Variants in CHD1L observed in about 807,000 individuals in gnomAD.
The protein encoded by CHD1L is ATP-dependent chromatin remodeler CHD1L.
A neutral mutation model predicts 115.9 loss-of-function variants in CHD1L; 118 were observed. The ratio of observed to expected loss-of-function variants is 1.02; its 90% CI spans 0.88 to 1.19. The LOEUF (loss-of-function observed/expected upper bound fraction) is 1.19. Among genes scored for constraint, CHD1L ranks in the 50% most tolerant of loss-of-function variants. The pLI is 0.00. For synonymous variants in CHD1L, 411 were observed against 387.1 expected, an observed-to-expected ratio of 1.06 and a Z score of -0.72; for missense variants, 1,179 against 1,065.3, an observed-to-expected ratio of 1.11 and a Z score of -1.49.
intron 13 of CHD1L, among the ~76,000 whole-genome samples, chr1:147,275,803 T>A (rs955030923): frequency 4.5e-4 from 59 of 129,738 alleles, no homozygotes; most frequent in Admixed American, 7.8e-4. Flanking sequence ...AAAAGAAAGA[T>A]AGATGTTGCC....
At chr1:147,199,549 A>G in the CHD1L span, among the ~76,000 whole-genome samples, 1 of 152,144 alleles carries the variant, frequency 6.6e-6, no homozygotes. Flanking sequence ...CATTTTCTCT[A>G]TTTCCTCTCA....
intron 20 of CHD1L, among the ~76,000 whole-genome samples, chr1:147,293,180 C>T (rs1686229439): frequency 6.6e-6 from 1 of 152,090 alleles, no homozygotes; most frequent in Non-Finnish European, 1.5e-5. Flanking sequence ...ATTTTGTCCT[C>T]ATGGGAATTG....
chr1:147,252,823 CA>C lies in CHD1L; in HGVS notation c.240+91del, dbSNP rs1668853402. ...GGAGCTGAGAGCTCTGGAGCTAAAACAAAGCTCAGTTTCACAAATGTCCCTG... is the reference window on the plus strand; with the variant it reads ...GGAGCTGAGAGCTCTGGAGCTAAAACAAGCTCAGTTTCACAAATGTCCCTG... On this transcript the variant is annotated intron_variant, in intron 2 of 22. Transcript: ENST00000369258. 3.6e-6 allele frequency: 4 copies of C among 1,113,036 alleles called. No individual in the cohort carries two copies. The East Asian group carries it at 9.6e-5, about 27-fold the overall frequency. The allele number at this position is 1,113,036 out of a possible 1,614,324, so 68.9% of individuals were successfully genotyped here. A position where few individuals can be genotyped will look rare whatever the true frequency, so the allele number is the denominator to read the frequency against.
chr1:147,252,776 A>G, intron 2 of CHD1L, 41 bp downstream of exon 2: 1 of 1,434,612 alleles, frequency 7.0e-7, no homozygotes, highest in Non-Finnish European at 9.8e-7. Context: ...CGCCACTGCG[A>G]TACTTCCTTA....
At position 147,284,450 on chromosome 1, in the gene CHD1L, T is replaced by A; in HGVS notation, c.1805T>A (p.Leu602His). ...FEQLVNLQKTLLEKASQEGRS... is the reference protein window; with the variant it reads ...FEQLVNLQKTHLEKASQEGRS... ...CAACTGGTAAACCTTCAGAAAACCCTTTTGGAGAAAGCTAGTCAAGAGGGC... is the reference window on the plus strand; with the variant it reads ...CAACTGGTAAACCTTCAGAAAACCCATTTGGAGAAAGCTAGTCAAGAGGGC... Residue 602 changes from leucine to histidine, a missense_variant, in exon 16 of 23, where the codon CTT (leucine) becomes CAT (histidine). Transcript: ENST00000369258. 2 of 1,612,304 alleles carry A rather than the reference T, an allele frequency of 1.2e-6. No homozygotes were observed.
chr1:147,205,140 C>T, the CHD1L span, among the ~76,000 whole-genome samples: 479 of 152,214 alleles, frequency 3.1e-3, no homozygotes, highest in Non-Finnish European at 5.1e-3. Context: ...AATGCTATAC[C>T]CTTGCTCTAT....
chr1:147,220,908 C>T, the CHD1L span, among the ~76,000 whole-genome samples: 2 of 142,988 alleles, frequency 1.4e-5, no homozygotes, highest in Admixed American at 7.2e-5. Flanking sequence ...ATGCTAATTT[C>T]TTACTTATAA....
In CHD1L at chr1:147,268,785, T is replaced by G. The variant is rs782349484; in HGVS notation, c.992T>G (p.Val331Gly). Reference sequence around the variant, plus strand: ...GAGTGGGTTCTTTCTTTTCTAGGTGTGGAGCCGGAGCCTTTTGAAGTTGGA... The same window carrying G: ...GAGTGGGTTCTTTCTTTTCTAGGTGGGGAGCCGGAGCCTTTTGAAGTTGGA... ...CVDHPYLFDG[V>G]EPEPFEVGDH... The change falls in exon 10 of 23, where the codon GTG becomes GGG. Residue 331 changes from valine to glycine, a missense_variant. Physicochemically the swap from Val to Gly is moderately radical, Grantham distance 109. Coordinates refer to ENST00000369258, the MANE Select transcript of CHD1L (RefSeq NM_004284.6). The G allele has an allele frequency of 6.2e-7, 1 of 1,613,102 alleles. No individual in the cohort carries two copies. The highest frequency in any genetic ancestry group is 8.5e-7 in the Non-Finnish European group (1 of 1,179,350).
intron 10 of CHD1L, among the ~76,000 whole-genome samples, chr1:147,269,326 T>C (rs12025594): frequency 0.7 from 105,883 of 151,902 alleles, 37,111 homozygotes; most frequent in African/African-American, 0.77. Flanking sequence ...GATTTAAACT[T>C]AAGGGGAACT....
At chr1:147,272,974 T>C (rs1339461885) in intron 12 of CHD1L, among the ~76,000 whole-genome samples, 6 of 146,340 alleles carry the variant, frequency 4.1e-5, no homozygotes, top group African/African-American at 1.5e-4. Flanking sequence ...CTGAGGTGGG[T>C]GGATCACTGG....
Position 147,264,403 on chromosome 1 carries a change from A to G in CHD1L, c.577-19A>G, listed in dbSNP as rs782558289. On this transcript the variant is annotated intron_variant, in intron 6 of 22. Coordinates refer to ENST00000369258, the MANE Select transcript of CHD1L (RefSeq NM_004284.6). Reference sequence around the variant, plus strand: ...TCCAGTGTTATGGAATTTTTATTTTATTTATTTATGTATTTGAGTTCTCAG... The same window carrying G: ...TCCAGTGTTATGGAATTTTTATTTTGTTTATTTATGTATTTGAGTTCTCAG... The G allele has an allele frequency of 1.3e-6, 2 of 1,545,104 alleles. No individual in the cohort carries two copies.
chr1:147,189,781 AC>A, the CHD1L span, among the ~76,000 whole-genome samples: 1 of 152,122 alleles, frequency 6.6e-6, no homozygotes, highest in South Asian at 2.1e-4. Context: ...TTGTAAATCT[AC>A]CTACAGATTT....
chr1:147,254,808 C>T (rs1045052329), intron 2 of CHD1L, 62 bp from the exon 3 acceptor site: 6 of 1,225,826 alleles, frequency 4.9e-6, no homozygotes, highest in African/African-American at 3.0e-5. Context: ...GTTGTGGGAA[C>T]TTCATGGTTG....
chr1:147,217,180 C>T, the CHD1L span, among the ~76,000 whole-genome samples: 5 of 151,510 alleles, frequency 3.3e-5, no homozygotes, highest in African/African-American at 4.9e-5. Context: ...GCGGAGGTTG[C>T]GGTGACAGAG....
the CHD1L span, among the ~76,000 whole-genome samples, chr1:147,192,057 G>A: frequency 6.6e-6 from 1 of 152,218 alleles, no homozygotes; most frequent in Non-Finnish European, 1.5e-5. Context: ...GAAAGTCATT[G>A]GTCACTTGAT....
chr1:147,240,293 T>G (rs587624156), upstream of CHD1L, among the ~76,000 whole-genome samples: 21 of 152,360 alleles, frequency 1.4e-4, no homozygotes, highest in African/African-American at 4.6e-4. Flanking sequence ...GATTCAGGGC[T>G]GTGCAGGATG....
the CHD1L span, chr1:147,203,790 C>T: frequency 7.8e-6 from 12 of 1,545,594 alleles, no homozygotes; most frequent in Non-Finnish European, 1.1e-5. Context: ...ATCAGATTGT[C>T]TGTAGAGCCC....
At chr1:147,220,598 C>T in the CHD1L span, among the ~76,000 whole-genome samples, 2 of 152,146 alleles carry the variant, frequency 1.3e-5, no homozygotes, top group Non-Finnish European at 2.9e-5. Flanking sequence ...CTGACAAACG[C>T]TATTTCAAGC....
the CHD1L span, among the ~76,000 whole-genome samples, chr1:147,198,380 A>C: frequency 1.2e-4 from 18 of 152,194 alleles, 1 homozygote; most frequent in African/African-American, 3.4e-4. Context: ...AAGGGAGGGA[A>C]GAAATATGCA....
Sources: allele counts gnomAD v4.1 joint callset (sites outside exome capture counted in the v4.1 genomes callset), GRCh38; gene constraint gnomAD v4.1.1; transcripts MANE v1.5; gene names NCBI Gene and HGNC (gene_info 2026-07-23, HGNC 2026-07-21).